Variants in RBFOX3 observed in about 807,000 individuals in gnomAD.
RBFOX3 encodes the protein RNA binding protein fox-1 homolog 3.
Under a neutral mutation model 48.7 loss-of-function variants are expected in RBFOX3, and 17 were observed. That is an observed-to-expected ratio of 0.35 (90% confidence interval 0.24 to 0.52). The LOEUF (loss-of-function observed/expected upper bound fraction) is 0.52. Ranked by LOEUF, RBFOX3 falls within the 20% of genes least tolerant of loss-of-function variation. The pLI, the probability that RBFOX3 is intolerant of heterozygous loss-of-function variation, is 0.94. For synonymous variants in RBFOX3, 212 were observed against 209.5 expected, an observed-to-expected ratio of 1.01 and a Z score of -0.10; for missense variants, 382 against 497.5, an observed-to-expected ratio of 0.77 and a Z score of 2.21.
chr17:79,461,661 T>A (rs2075384586), intron 2 of RBFOX3, among the ~76,000 whole-genome samples: 1 of 152,144 alleles, frequency 6.6e-6, no homozygotes, highest in African/African-American at 2.4e-5. Flanking sequence ...ACCCAGAACC[T>A]CAGAAATGAC....
In RBFOX3 at chr17:79,480,708, C is replaced by T. The variant is rs1434791976; in HGVS notation, c.-175+1746G>A. 3.9e-5 allele frequency among the ~76,000 whole-genome samples: 6 copies of T among 152,198 alleles called. No individual in the cohort carries two copies. Among genetic ancestry groups the T allele is most frequent in the African/African-American group, 1.2e-4 (5 of 41,444 alleles). On this transcript the variant is annotated intron_variant, in intron 2 of 14. Transcript: ENST00000693108. This position sits in a 1 kb window ranked among gnomAD's most constrained non-coding sequence, Gnocchi z 4.8. ...CTGGAACACTCTCCCCTCAGACATC[C>T]TGGGGTCCTCCCTCCCTTCCTTCTG...
At chr17:79,171,019 G>A (rs2049168985) in intron 4 of RBFOX3, among the ~76,000 whole-genome samples, 1 of 152,158 alleles carries the variant, frequency 6.6e-6, no homozygotes, top group Non-Finnish European at 1.5e-5. Flanking sequence ...ACCTGCCTAG[G>A]TCTCCGGTGG....
At chr17:79,258,052 A>G (rs1600257974) in intron 3 of RBFOX3, among the ~76,000 whole-genome samples, 1 of 152,080 alleles carries the variant, frequency 6.6e-6, no homozygotes, top group East Asian at 1.9e-4. Context: ...CTCACTGGGA[A>G]TAGATGCCAA....
At chr17:79,258,915 C>G (rs997733201) in intron 3 of RBFOX3, among the ~76,000 whole-genome samples, 1 of 152,220 alleles carries the variant, frequency 6.6e-6, no homozygotes, top group East Asian at 1.9e-4. Flanking sequence ...TGTCGAAAGG[C>G]GCCGTCCCAG....
chr17:79,393,640 T>G (rs1318102963), intron 2 of RBFOX3, among the ~76,000 whole-genome samples: 1 of 152,088 alleles, frequency 6.6e-6, no homozygotes, highest in Non-Finnish European at 1.5e-5. Flanking sequence ...AATGCACATC[T>G]GAGCCGGTCA....
At chr17:79,190,183 G>A (rs4789872) in intron 4 of RBFOX3, among the ~76,000 whole-genome samples, 48,593 of 152,084 alleles carry the variant, frequency 0.32, 8,320 homozygotes, top group Admixed American at 0.45. Flanking sequence ...AGGCCAAGGC[G>A]GGTGGATCAC....
In RBFOX3 at chr17:79,204,673, C is replaced by T. The variant is rs144565712; in HGVS notation, c.-34+31093G>A. Among the ~76,000 whole-genome samples the T allele has an allele frequency of 1.8e-4, 27 of 152,136 alleles. No homozygotes were observed. In the East Asian group the frequency reaches 4.1e-3, roughly 23 times the overall value. ...AAAATGCAATTCTGGGGTGGGGGAC[C>T]GCTGAGGCATTTGGAAAGCTTCGTG... On this transcript the variant is annotated intron_variant, in intron 4 of 14. Coordinates refer to ENST00000693108, the MANE Select transcript of RBFOX3 (RefSeq NM_001350451.2). The surrounding 1 kb of genome is among the most constrained non-coding windows in gnomAD (Gnocchi z 4.5).
intron 4 of RBFOX3, among the ~76,000 whole-genome samples, chr17:79,122,212 C>T (rs115524158): frequency 0.014 from 2,086 of 152,306 alleles, 49 homozygotes; most frequent in African/African-American, 0.048. Context: ...CCACTGCTCC[C>T]ACCTTGGTCG....
At chr17:79,656,813 A>AAGAAAGAAAGAAAGAG in the RBFOX3 span, among the ~76,000 whole-genome samples, 1 of 73,534 alleles carries the variant, frequency 1.4e-5, no homozygotes, top group African/African-American at 5.8e-5. Flanking sequence ...AAAGAAAAGA[A>AAGAAAGAAAGAAAGAG]AGAGAAAGAA....
At chr17:79,438,104 G>A (rs973586081) in intron 2 of RBFOX3, among the ~76,000 whole-genome samples, 57 of 150,788 alleles carry the variant, frequency 3.8e-4, no homozygotes, top group Admixed American at 9.2e-4. Flanking sequence ...GTGCACAGGC[G>A]CACACACACA....
At chr17:79,389,338 G>C (rs2061021075) in intron 2 of RBFOX3, among the ~76,000 whole-genome samples, 1 of 152,164 alleles carries the variant, frequency 6.6e-6, no homozygotes, top group South Asian at 2.1e-4. Flanking sequence ...ACAGTAGCTG[G>C]GTATTCTCTG....
At chr17:79,622,550 G>A in the RBFOX3 span, among the ~76,000 whole-genome samples, 12 of 152,212 alleles carry the variant, frequency 7.9e-5, no homozygotes, top group African/African-American at 2.7e-4. Context: ...GAGGCCAGAC[G>A]TCCAAGATGG....
intron 3 of RBFOX3, among the ~76,000 whole-genome samples, chr17:79,244,523 G>A (rs561876934): frequency 4.7e-4 from 68 of 144,724 alleles, no homozygotes; most frequent in South Asian, 2.0e-3. Context: ...CGAGGGCTGC[G>A]GGCGCACAGT....
chr17:79,578,384 G>C (rs1347156053), intron 1 of RBFOX3, among the ~76,000 whole-genome samples: 2 of 152,266 alleles, frequency 1.3e-5, no homozygotes, highest in Non-Finnish European at 2.9e-5. Context: ...GGTGCCCACT[G>C]CCTGGTACCC....
At chr17:79,239,039 A>T (rs1255284962) in intron 3 of RBFOX3, among the ~76,000 whole-genome samples, 2 of 152,266 alleles carry the variant, frequency 1.3e-5, no homozygotes, top group Non-Finnish European at 2.9e-5. Flanking sequence ...GCTCTTGTGC[A>T]TGGAAAGGAA....
intron 2 of RBFOX3, among the ~76,000 whole-genome samples, chr17:79,312,422 T>G (rs2076982081): frequency 6.6e-6 from 1 of 151,748 alleles, no homozygotes; most frequent in Non-Finnish European, 1.5e-5. Flanking sequence ...TTTGATGGGA[T>G]GAGGTGTGGT....
chr17:79,572,141 A>G (rs1171593062), intron 1 of RBFOX3, among the ~76,000 whole-genome samples: 1 of 152,106 alleles, frequency 6.6e-6, no homozygotes, highest in Non-Finnish European at 1.5e-5. Context: ...GGGTCACACA[A>G]TTAGGGCAGT....
At chr17:79,379,327 G>C (rs1304848442) in intron 2 of RBFOX3, among the ~76,000 whole-genome samples, 1 of 152,158 alleles carries the variant, frequency 6.6e-6, no homozygotes, top group African/African-American at 2.4e-5. Flanking sequence ...AGGTCTCGGG[G>C]ATGACCTCCT....
At position 79,479,706 on chromosome 17, in the gene RBFOX3, G is replaced by A. The variant is rs112511981; in HGVS notation, c.-175+2748C>T. 4.8e-3 allele frequency among the ~76,000 whole-genome samples: 726 copies of A among 152,270 alleles called. 8 individuals carry two copies. Among genetic ancestry groups the A allele is most frequent in the African/African-American group, 0.017 (695 of 41,564 alleles). On this transcript the variant is annotated intron_variant, in intron 2 of 14. Transcript: ENST00000693108. This position sits in a 1 kb window ranked among gnomAD's most constrained non-coding sequence, Gnocchi z 5.1. Reference sequence around the variant, plus strand: ...TACTTTCACTGTTGATGACCCCGAGGATTTACCTATTTGGGGGACACAGGT... The same window carrying A: ...TACTTTCACTGTTGATGACCCCGAGAATTTACCTATTTGGGGGACACAGGT...
Sources: gnomAD v4.1 joint callset for allele counts (sites outside exome capture counted in the v4.1 genomes callset) on GRCh38, gnomAD v4.1.1 for gene constraint, Gnocchi (gnomAD v3.1) non-coding constraint, MANE v1.5 for transcripts, NCBI Gene and HGNC (gene_info 2026-07-23, HGNC 2026-07-21) for gene names.